NAV1: variants seen among roughly 807,000 people sequenced by gnomAD.
NAV1 encodes neuron navigator 1.
NAV1 carries 18 observed loss-of-function variants against 175.2 expected under a neutral mutation model. That is an observed-to-expected ratio of 0.10 (90% confidence interval 0.07 to 0.15). The LOEUF is 0.15. NAV1 is among the 10% of genes least tolerant of loss of function. The pLI, the probability that NAV1 is intolerant of heterozygous loss-of-function variation, is 1.00. For missense variants in NAV1, 1,731 were observed against 2,436.6 expected (o/e 0.71, Z 6.10); for synonymous variants, 897 against 978.7 (o/e 0.92, Z 1.56).
At position 201,599,692 on chromosome 1, in the gene NAV1, C is replaced by T. The variant is rs146741549; in HGVS notation, c.-33+11043C>T. On this transcript the variant is annotated intron_variant, in intron 2 of 33. Transcript: ENST00000685211. ...GAGGGGGAACCATCAGGCAGGCTTCCGAGCGCCTGCTCTGATTCTCTTCAG... is the reference window on the plus strand; with the variant it reads ...GAGGGGGAACCATCAGGCAGGCTTCTGAGCGCCTGCTCTGATTCTCTTCAG... 3.6e-3 allele frequency among the ~76,000 whole-genome samples: 555 copies of T among 152,264 alleles called. 4 individuals carry two copies. Among genetic ancestry groups the T allele is most frequent in the African/African-American group, 0.013 (534 of 41,532 alleles).
chr1:201,707,625 C>G (rs898262077), intron 1 of NAV1, among the ~76,000 whole-genome samples: 2 of 152,170 alleles, frequency 1.3e-5, no homozygotes, highest in Non-Finnish European at 2.9e-5. Context: ...GTAGTCCTGC[C>G]CTCCTGGGGA....
chr1:201,545,259 GTGAT>G (rs1370154816), intron 1 of NAV1, among the ~76,000 whole-genome samples: 2 of 152,184 alleles, frequency 1.3e-5, no homozygotes, highest in African/African-American at 2.4e-5. Context: ...CAGTCAAAGA[GTGAT>G]TGCATGAATC....
chr1:201,712,788 C>T lies in NAV1; in HGVS notation c.758-29C>T, dbSNP rs1185384617. The T allele has an allele frequency of 3.3e-6, 5 of 1,497,926 alleles. No individual in the cohort carries two copies. In the Admixed American group the frequency reaches 8.4e-5, roughly 25 times the overall value. The allele number at this position is 1,497,926 out of a possible 1,614,324, so 92.8% of individuals were successfully genotyped here. A position where few individuals can be genotyped will look rare whatever the true frequency, so the allele number is the denominator to read the frequency against. On this transcript the variant is annotated intron_variant, in intron 1 of 29. Transcript: ENST00000367296. ...ATCCCAGCATTAAGTTCTCTTCACT[C>T]ACCCAGCTCTTCCTTCTCTCCCTAC... is the stretch of plus-strand genomic sequence containing the variant.
intron 3 of NAV1, among the ~76,000 whole-genome samples, chr1:201,719,818 C>T (rs1218897920): frequency 3.9e-5 from 6 of 152,116 alleles, no homozygotes; most frequent in Non-Finnish European, 8.8e-5. Context: ...CAGGGCCTGC[C>T]TCTCCCCAAT....
At chr1:201,712,770 C>A in intron 1 of NAV1, 47 bp from the exon 6 acceptor site, 1 of 1,334,080 alleles carries the variant, frequency 7.5e-7, no homozygotes, top group Non-Finnish European at 1.1e-6. Context: ...AGGATCCCAG[C>A]ATTAAGTTCT....
chr1:201,719,276 C>A (rs1211597034), intron 3 of NAV1, among the ~76,000 whole-genome samples: 1 of 152,078 alleles, frequency 6.6e-6, no homozygotes, highest in Non-Finnish European at 1.5e-5. Flanking sequence ...AGCTCCACTT[C>A]CTTTGCCAGG....
At chr1:201,672,815 T>C (rs915501347) in intron 1 of NAV1, among the ~76,000 whole-genome samples, 3 of 152,244 alleles carry the variant, frequency 2.0e-5, no homozygotes, top group Admixed American at 6.5e-5. Context: ...TTGGTTTGCA[T>C]GTTGTAAAAA....
chr1:201,815,159 A>C (rs2820292), intron 28 of NAV1, among the ~76,000 whole-genome samples: 72,366 of 151,912 alleles, frequency 0.48, 18,050 homozygotes, highest in Non-Finnish European at 0.55. Flanking sequence ...AGTTTTAATG[A>C]AACCTAGGCA....
chr1:201,758,441 T>C (rs1286757650), intron 3 of NAV1, among the ~76,000 whole-genome samples: 1 of 152,238 alleles, frequency 6.6e-6, no homozygotes, highest in African/African-American at 2.4e-5. Flanking sequence ...TTATTCTTTT[T>C]GCTAAAGCCC....
chr1:201,627,462 G>A (rs1217241404), intron 1 of NAV1, among the ~76,000 whole-genome samples: 2 of 151,772 alleles, frequency 1.3e-5, no homozygotes, highest in Non-Finnish European at 2.9e-5. Flanking sequence ...TAGTAGAGGC[G>A]GGGTTTCGCC....
Position 201,539,642 on chromosome 1 carries a change from T to C in NAV1, c.-144+300T>C, listed in dbSNP as rs935431118. 1.3e-5 allele frequency among the ~76,000 whole-genome samples: 2 copies of C among 152,162 alleles called. No individual in the cohort carries two copies. Among genetic ancestry groups the C allele is most frequent in the African/African-American group, 4.8e-5 (2 of 41,444 alleles). On this transcript the variant is annotated intron_variant, in intron 1 of 33. Coordinates refer to the NAV1 transcript ENST00000685211. This position sits in a 1 kb window ranked among gnomAD's most constrained non-coding sequence, Gnocchi z 5.6. ...TGCCTAACTTCAGTCCCTCTGAGCC[T>C]CAGTTTCCTTGTTGTGAAATACCCA...
intron 3 of NAV1, among the ~76,000 whole-genome samples, chr1:201,747,173 T>C (rs1022996760): frequency 6.6e-6 from 1 of 152,168 alleles, no homozygotes; most frequent in Non-Finnish European, 1.5e-5. Flanking sequence ...TCCCACTCTG[T>C]CATCTTCACC....
chr1:201,648,558 C>A, exon 1 of NAV1: 1 of 1,252,432 alleles, frequency 8.0e-7, no homozygotes, highest in South Asian at 3.6e-5. Context: ...TTCTTCCGTC[C>A]TCTCTCTCCC....
rs555500092 is a variant in NAV1 at position 201,743,709 on chromosome 1, A to G, written c.1226+24954A>G. Among the ~76,000 whole-genome samples the G allele has an allele frequency of 2.6e-4, 40 of 152,258 alleles. 1 individual carries two copies. In the South Asian group the frequency reaches 7.5e-3, roughly 28 times the overall value. On this transcript the variant is annotated intron_variant, in intron 3 of 29. Transcript: ENST00000367296. ...GACTCTAATGAGGATGCCTATGAGT[A>G]TAATACATGGAACAGTTCCCAGCTT...
intron 3 of NAV1, among the ~76,000 whole-genome samples, chr1:201,768,100 G>A (rs1297347064): frequency 2.6e-5 from 4 of 151,680 alleles, no homozygotes; most frequent in Admixed American, 6.6e-5. Context: ...TGAGGGAGGC[G>A]GATCACCTGA....
chr1:201,699,024 T>C (rs1671302171), intron 1 of NAV1, among the ~76,000 whole-genome samples: 3 of 152,240 alleles, frequency 2.0e-5, no homozygotes, highest in East Asian at 3.8e-4. Context: ...GAGCCAGTGA[T>C]GGCACAAGAC....
intron 2 of NAV1, among the ~76,000 whole-genome samples, chr1:201,609,337 C>T (rs1472424371): frequency 1.3e-5 from 2 of 152,256 alleles, no homozygotes. Flanking sequence ...AGGTCCAGCC[C>T]TCTCCAAATG....
chr1:201,699,196 A>G (rs1160818450), intron 1 of NAV1, among the ~76,000 whole-genome samples: 1 of 152,126 alleles, frequency 6.6e-6, no homozygotes, highest in African/African-American at 2.4e-5. Flanking sequence ...AAACCCCATC[A>G]TCTCAGCCCA....
At chr1:201,739,626 C>A in intron 3 of NAV1, 1 of 235,896 alleles carries the variant, frequency 4.2e-6, no homozygotes, top group Non-Finnish European at 7.2e-6. Context: ...GCTGGCATCC[C>A]AGGGGTTAAT....
Sources: allele counts gnomAD v4.1 joint callset (sites outside exome capture counted in the v4.1 genomes callset), GRCh38; gene constraint gnomAD v4.1.1; non-coding constraint Gnocchi (gnomAD v3.1); transcripts MANE v1.5; gene names NCBI Gene and HGNC (gene_info 2026-07-23, HGNC 2026-07-21).